SRD5A2: variants seen among roughly 807,000 people sequenced by gnomAD.
The protein encoded by SRD5A2 is 3-oxo-5-alpha-steroid 4-dehydrogenase 2.
A neutral mutation model predicts 27.4 loss-of-function variants in SRD5A2; 30 were observed. The observed-to-expected ratio is 1.10, with a 90% CI of 0.82 to 1.49. SRD5A2 has a LOEUF of 1.49. Among genes scored for constraint, SRD5A2 ranks in the 40% most tolerant of loss-of-function variants. The pLI, the probability that SRD5A2 is intolerant of heterozygous loss-of-function variation, is 0.00. For missense variants in SRD5A2, 348 were observed against 323.4 expected, an observed-to-expected ratio of 1.08 and a Z score of -0.58; for synonymous variants, 141 against 133.6, an observed-to-expected ratio of 1.06 and a Z score of -0.38.
At chr2:31,531,331 C>T in intron 3 of SRD5A2, 40 bp downstream of exon 3, 1 of 1,437,684 alleles carries the variant, frequency 7.0e-7, no homozygotes, top group South Asian at 1.2e-5. Context: ...GGGACAGGCT[C>T]CAGGGAAGAG....
the SRD5A2 span, among the ~76,000 whole-genome samples, chr2:31,640,059 G>C: frequency 6.6e-6 from 1 of 151,528 alleles, no homozygotes; most frequent in African/African-American, 2.4e-5. Context: ...TTTCTTCTAT[G>C]ACTGTGTATT....
chr2:31,540,403 A>G (rs1357091289), intron 1 of SRD5A2, among the ~76,000 whole-genome samples: 2 of 152,228 alleles, frequency 1.3e-5, no homozygotes, highest in Non-Finnish European at 2.9e-5. Context: ...GACAATTAAA[A>G]GACAAGAGTT....
At chr2:31,660,741 T>C in the SRD5A2 span, among the ~76,000 whole-genome samples, 2 of 152,008 alleles carry the variant, frequency 1.3e-5, no homozygotes, top group South Asian at 2.1e-4. Flanking sequence ...CACTATAGGA[T>C]TATTTGTAAT....
At position 31,524,328 on chromosome 2, in the gene SRD5A2, C is replaced by T. The variant is rs752847489; in HGVS notation, c.*1868G>A. 10 of 227,920 alleles carry T rather than the reference C, an allele frequency of 4.4e-5. No homozygotes were observed. The highest frequency in any genetic ancestry group is 7.8e-5 in the Non-Finnish European group (9 of 114,806). The allele number at this position is 227,920 out of a possible 1,614,324, so 14.1% of individuals were successfully genotyped here. A position where few individuals can be genotyped will look rare whatever the true frequency, so the allele number is the denominator to read the frequency against. ...CTCAGCACCAGGAGTGGCATCTAAC[C>T]TCATGACGTTTTCCTGCACCTTTAT... On this transcript the variant is annotated 3_prime_UTR_variant, in exon 5 of 5. Coordinates refer to ENST00000622030, the MANE Select transcript of SRD5A2 (RefSeq NM_000348.4).
At chr2:31,588,087 A>C in the SRD5A2 span, among the ~76,000 whole-genome samples, 1 of 152,162 alleles carries the variant, frequency 6.6e-6, no homozygotes, top group Non-Finnish European at 1.5e-5. Flanking sequence ...AGAAAAAAGA[A>C]TCAAAAAGAA....
chr2:31,647,777 G>A, the SRD5A2 span, among the ~76,000 whole-genome samples: 1 of 152,046 alleles, frequency 6.6e-6, no homozygotes, highest in South Asian at 2.1e-4. Context: ...AAATTATCTT[G>A]AACATTTGCT....
intron 2 of SRD5A2, among the ~76,000 whole-genome samples, chr2:31,532,112 G>A (rs1304710433): frequency 6.6e-6 from 1 of 152,108 alleles, no homozygotes; most frequent in Non-Finnish European, 1.5e-5. Context: ...GAGGACCACA[G>A]GTAAACATGC....
intron 1 of SRD5A2, among the ~76,000 whole-genome samples, chr2:31,576,495 T>C (rs1281563498): frequency 3.0e-5 from 2 of 67,018 alleles, no homozygotes; most frequent in Non-Finnish European, 6.0e-5. Flanking sequence ...AGTCAGGAAA[T>C]AACAGGTGCT....
chr2:31,526,341 G>T, intron 4 of SRD5A2, 79 bp from the exon 5 acceptor site: 1 of 923,790 alleles, frequency 1.1e-6, no homozygotes, highest in East Asian at 2.6e-5. Flanking sequence ...CCAAATCTTT[G>T]TTACAAGTCA....
upstream of SRD5A2, chr2:31,580,949 G>A (rs371254408): frequency 3.6e-5 from 56 of 1,557,884 alleles, no homozygotes; most frequent in African/African-American, 5.4e-4. Context: ...AAGAGAGCGC[G>A]GCCCCCGCAA....
chr2:31,547,411 T>C (rs28383018), intron 1 of SRD5A2, among the ~76,000 whole-genome samples: 40,860 of 152,086 alleles, frequency 0.27, 6,780 homozygotes, highest in East Asian at 0.36. Flanking sequence ...TGTGAGGGTG[T>C]TTCTGGAAGA....
chr2:31,595,649 T>C, the SRD5A2 span, among the ~76,000 whole-genome samples: 2 of 152,122 alleles, frequency 1.3e-5, no homozygotes, highest in Non-Finnish European at 2.9e-5. Context: ...GTGCCAATCT[T>C]ACTGAAACTA....
chr2:31,578,786 G>T (rs1558377284), intron 1 of SRD5A2, among the ~76,000 whole-genome samples: 2 of 151,124 alleles, frequency 1.3e-5, no homozygotes, highest in African/African-American at 4.9e-5. Context: ...ACTCCTTTGG[G>T]TTTTTTTTTA....
At chr2:31,633,616 C>T in the SRD5A2 span, among the ~76,000 whole-genome samples, 186 of 152,286 alleles carry the variant, frequency 1.2e-3, 1 homozygote, top group Non-Finnish European at 2.4e-3. Context: ...TTGATGACAT[C>T]GAAGGCACCC....
At chr2:31,608,424 G>T in the SRD5A2 span, among the ~76,000 whole-genome samples, 129 of 149,226 alleles carry the variant, frequency 8.6e-4, no homozygotes, top group African/African-American at 3.0e-3. Flanking sequence ...TACAAAACGG[G>T]GGCAGGAAAG....
chr2:31,625,951 C>A, the SRD5A2 span, among the ~76,000 whole-genome samples: 1 of 152,136 alleles, frequency 6.6e-6, no homozygotes, highest in Admixed American at 6.6e-5. Flanking sequence ...CTACCTTGGG[C>A]ACTATGGCCA....
In SRD5A2 at chr2:31,525,132, T is replaced by G. The variant is rs1665747741; in HGVS notation, c.*1064A>C. On this transcript the variant is annotated 3_prime_UTR_variant, in exon 5 of 5. Transcript: ENST00000622030. ...CTGTCTGCAATTTTCAGTCTCTGCC[T>G]GCAGGTCCTTTGAGGGAGGCATTCA... 1 of 219,438 alleles carries G rather than the reference T, an allele frequency of 4.6e-6. No homozygotes were observed. The highest frequency in any genetic ancestry group is 2.2e-5 in the African/African-American group (1 of 44,540). The allele number at this position is 219,438 out of a possible 1,614,324, so 13.6% of individuals were successfully genotyped here.
intron 4 of SRD5A2, among the ~76,000 whole-genome samples, chr2:31,528,332 C>T (rs1366796344): frequency 1.3e-5 from 2 of 152,184 alleles, no homozygotes; most frequent in Non-Finnish European, 2.9e-5. Flanking sequence ...TGCAGAGATT[C>T]CAGGGGAAAT....
chr2:31,631,510 A>G, the SRD5A2 span, among the ~76,000 whole-genome samples: 1 of 152,100 alleles, frequency 6.6e-6, no homozygotes, highest in Non-Finnish European at 1.5e-5. Flanking sequence ...AAACACCCCT[A>G]AGATGTATTC....
Sources: allele counts gnomAD v4.1 joint callset (sites outside exome capture counted in the v4.1 genomes callset), GRCh38; gene constraint gnomAD v4.1.1; transcripts MANE v1.5; gene names NCBI Gene and HGNC (gene_info 2026-07-23, HGNC 2026-07-21).